Variants in CALN1 observed in about 807,000 individuals in gnomAD.
CALN1 encodes calneuron 1, also known as calcium-binding protein 8.
Under a neutral mutation model 30.6 loss-of-function variants are expected in CALN1, and 17 were observed. That is an observed-to-expected ratio of 0.56 (90% CI 0.38 to 0.83). The LOEUF is 0.83. Ranked by LOEUF, CALN1 falls within the 40% of genes least tolerant of loss-of-function variation. The probability of loss-of-function intolerance (pLI) is 0.00; values close to 1 mark genes in which losing one functional copy is unlikely to be tolerated. For synonymous variants in CALN1, 156 were observed against 131.4 expected (o/e 1.19, Z -1.28); for missense variants, 291 against 354.9 (o/e 0.82, Z 1.45).
chr7:72,081,443 T>TCTGTGTG (rs919718722), intron 4 of CALN1, among the ~76,000 whole-genome samples: 1 of 28,366 alleles, frequency 3.5e-5, no homozygotes, highest in African/African-American at 1.4e-4. Context: ...GGTGTGTGTG[T>TCTGTGTG]TTTTTTTCTT....
chr7:71,915,340 AC>A (rs1794633688), intron 5 of CALN1, among the ~76,000 whole-genome samples: 1 of 152,122 alleles, frequency 6.6e-6, no homozygotes, highest in East Asian at 1.9e-4. Flanking sequence ...GTTTTTGACA[AC>A]CCCTTTCTTC....
intron 3 of CALN1, among the ~76,000 whole-genome samples, chr7:72,244,964 G>T (rs990250870): frequency 6.6e-6 from 1 of 152,222 alleles, no homozygotes; most frequent in South Asian, 2.1e-4. Context: ...AAATCGTGGT[G>T]TGGAGAGATG....
chr7:72,296,896 G>A (rs1302457225), intron 2 of CALN1, among the ~76,000 whole-genome samples: 1 of 150,762 alleles, frequency 6.6e-6, no homozygotes, highest in Non-Finnish European at 1.5e-5. Context: ...CTTGCCTTCT[G>A]CTAGCTTTTG....
chr7:71,915,204 C>T (rs941433065), intron 5 of CALN1, among the ~76,000 whole-genome samples: 5 of 152,198 alleles, frequency 3.3e-5, no homozygotes, highest in African/African-American at 1.2e-4. Context: ...GCCAAGGTCT[C>T]CAGTGCAACA....
intron 1 of CALN1, among the ~76,000 whole-genome samples, chr7:72,423,911 G>A (rs1807705145): frequency 7.9e-6 from 1 of 126,708 alleles, no homozygotes; most frequent in South Asian, 2.8e-4. Context: ...GGGAGGGAGG[G>A]AGACAGAAAG....
chr7:71,811,752 G>A (rs1787975374), intron 5 of CALN1, among the ~76,000 whole-genome samples: 1 of 149,378 alleles, frequency 6.7e-6, no homozygotes, highest in African/African-American at 2.5e-5. Context: ...GATCTCGGCT[G>A]ACTGCAAACT....
intron 2 of CALN1, chr7:72,336,647 G>A (rs2944819): frequency 0.42 from 404,749 of 969,748 alleles, 88,228 homozygotes; most frequent in Middle Eastern, 0.49. Flanking sequence ...AGGACCGAGG[G>A]AAGAAGAAAA....
intron 2 of CALN1, among the ~76,000 whole-genome samples, chr7:72,288,286 A>G (rs1798235947): frequency 6.6e-6 from 1 of 152,158 alleles, no homozygotes; most frequent in African/African-American, 2.4e-5. Flanking sequence ...GATGTTCATA[A>G]AAGGTCTCAC....
chr7:72,185,547 A>G (rs1408043402), intron 3 of CALN1, among the ~76,000 whole-genome samples: 1 of 152,164 alleles, frequency 6.6e-6, no homozygotes, highest in Non-Finnish European at 1.5e-5. Context: ...GTCACCTTAC[A>G]TGACAAATGG....
At chr7:71,900,445 A>T (rs1312038447) in intron 5 of CALN1, among the ~76,000 whole-genome samples, 1 of 152,222 alleles carries the variant, frequency 6.6e-6, no homozygotes, top group Non-Finnish European at 1.5e-5. Context: ...AGATTTGATA[A>T]ATGAATTCAG....
chr7:71,821,726 A>G (rs376732471), intron 5 of CALN1, among the ~76,000 whole-genome samples: 26 of 150,204 alleles, frequency 1.7e-4, no homozygotes, highest in Admixed American at 7.9e-4. Flanking sequence ...AAAAAAATCT[A>G]TTTTTGTATC....
At position 72,319,781 on chromosome 7, in the gene CALN1, G is replaced by A. The variant is rs148443959; in HGVS notation, c.120-40971C>T. 7.9e-3 allele frequency among the ~76,000 whole-genome samples: 1,210 copies of A among 152,202 alleles called. 33 individuals are homozygous for A. Among genetic ancestry groups the A allele is most frequent in the Non-Finnish European group, 6.2e-3 (423 of 68,022 alleles). ...ATGTCCACTGAAGGCAAGGGGGGTGGGCCTTGGGAGCTAAATAATGTGTAC... is the reference window on the plus strand; with the variant it reads ...ATGTCCACTGAAGGCAAGGGGGGTGAGCCTTGGGAGCTAAATAATGTGTAC... On this transcript the variant is annotated intron_variant, in intron 2 of 6. Coordinates refer to ENST00000395275, the MANE Select transcript of CALN1 (RefSeq NM_031468.4).
chr7:72,342,503 C>T (rs1802431269), intron 2 of CALN1, among the ~76,000 whole-genome samples: 2 of 152,138 alleles, frequency 1.3e-5, no homozygotes, highest in South Asian at 4.1e-4. Flanking sequence ...GGAGGCTAAA[C>T]TCAACATGGA....
At chr7:71,847,743 G>GAAGAAAGAAGAAAGAAGAAGAAAGAAGA (rs1386376397) in intron 5 of CALN1, among the ~76,000 whole-genome samples, 6 of 94,602 alleles carry the variant, frequency 6.3e-5, no homozygotes, top group East Asian at 1.0e-3. Context: ...AAAGAAGAAA[G>GAAGAAAGAAGAAAGAAGAAGAAAGAAGA]AAGAAGAAAG....
intron 5 of CALN1, among the ~76,000 whole-genome samples, chr7:71,867,190 T>TA (rs1253235703): frequency 2.0e-5 from 3 of 150,796 alleles, no homozygotes; most frequent in Non-Finnish European, 4.4e-5. Context: ...CTCAAATTGA[T>TA]AGAGTATGAT....
chr7:72,430,566 C>T (rs1386556831), intron 1 of CALN1, among the ~76,000 whole-genome samples: 1 of 152,106 alleles, frequency 6.6e-6, no homozygotes, highest in East Asian at 1.9e-4. Context: ...ACATGGGACC[C>T]TAAATATTCC....
intron 5 of CALN1, among the ~76,000 whole-genome samples, chr7:71,904,226 T>C (rs998390280): frequency 5.9e-5 from 9 of 152,172 alleles, no homozygotes; most frequent in African/African-American, 2.2e-4. Flanking sequence ...ATGAAATCAG[T>C]ACACTGAAGA....
chr7:71,925,962 T>C (rs940986804), intron 5 of CALN1, among the ~76,000 whole-genome samples: 1 of 152,276 alleles, frequency 6.6e-6, no homozygotes, highest in Admixed American at 6.5e-5. Flanking sequence ...TAAATGATTC[T>C]CCTGCCTCAG....
intron 5 of CALN1, among the ~76,000 whole-genome samples, chr7:71,986,333 G>A (rs901567255): frequency 6.6e-6 from 1 of 151,738 alleles, no homozygotes; most frequent in Non-Finnish European, 1.5e-5. Flanking sequence ...CCTCAAACCT[G>A]AGGATTACAG....
Sources: gnomAD v4.1 joint callset for allele counts (sites outside exome capture counted in the v4.1 genomes callset) on GRCh38, gnomAD v4.1.1 for gene constraint, MANE v1.5 for transcripts, NCBI Gene and HGNC (gene_info 2026-07-23, HGNC 2026-07-21) for gene names.